Variants in CACNA2D3 observed in about 807,000 individuals in gnomAD.
The protein encoded by CACNA2D3 is voltage-dependent calcium channel subunit alpha-2/delta-3.
CACNA2D3 carries 60 observed loss-of-function variants against 160.6 expected under a neutral mutation model. The ratio of observed to expected loss-of-function variants is 0.37; its 90% CI spans 0.30 to 0.46. The LOEUF (loss-of-function observed/expected upper bound fraction) is 0.46, where lower values mean the gene tolerates loss of function less well. CACNA2D3 is among the 20% of genes least tolerant of loss of function. CACNA2D3 has a pLI of 1.00. For missense variants in CACNA2D3, 1,205 were observed against 1,365.0 expected, an observed-to-expected ratio of 0.88 and a Z score of 1.85; for synonymous variants, 558 against 492.9, an observed-to-expected ratio of 1.13 and a Z score of -1.75.
chr3:54,419,471 C>T (rs926387600), intron 4 of CACNA2D3, among the ~76,000 whole-genome samples: 6 of 152,340 alleles, frequency 3.9e-5, no homozygotes, highest in African/African-American at 1.4e-4. Context: ...TGTGAGGACA[C>T]ATTTTATACT....
chr3:55,018,062 T>C (rs1443448184), intron 34 of CACNA2D3, 144 bp from the exon 35 acceptor site: 1 of 602,798 alleles, frequency 1.7e-6, no homozygotes, highest in Non-Finnish European at 3.0e-6. Context: ...CTTGACTAAT[T>C]AGAAAATAAT....
chr3:54,838,841 G>GT (rs1411210983), intron 16 of CACNA2D3, among the ~76,000 whole-genome samples, 193 bp downstream of exon 16: 1 of 152,046 alleles, frequency 6.6e-6, no homozygotes, highest in African/African-American at 2.4e-5. Flanking sequence ...ATGACTTGCT[G>GT]TTTTTCTTAT....
chr3:54,953,508 C>A (rs539253854), intron 27 of CACNA2D3, among the ~76,000 whole-genome samples: 1 of 152,252 alleles, frequency 6.6e-6, no homozygotes, highest in Admixed American at 6.5e-5. Flanking sequence ...GTCAGATGGC[C>A]CATGCTGTGC....
chr3:54,562,269 G>A (rs1339623520), intron 5 of CACNA2D3, among the ~76,000 whole-genome samples: 1 of 152,178 alleles, frequency 6.6e-6, no homozygotes, highest in Non-Finnish European at 1.5e-5. Context: ...ACATTCTGCT[G>A]AACAGAAGAA....
intron 35 of CACNA2D3, among the ~76,000 whole-genome samples, chr3:55,023,283 A>G (rs947450679): frequency 1.3e-5 from 2 of 152,156 alleles, no homozygotes; most frequent in African/African-American, 4.8e-5. Flanking sequence ...AAGTGATTCC[A>G]GATATAAATT....
chr3:54,207,676 C>G (rs1054826371), intron 2 of CACNA2D3, among the ~76,000 whole-genome samples: 1 of 152,122 alleles, frequency 6.6e-6, no homozygotes, highest in African/African-American at 2.4e-5. Flanking sequence ...GGACTGGGCT[C>G]TGTGCACATT....
intron 2 of CACNA2D3, among the ~76,000 whole-genome samples, chr3:54,273,807 C>T (rs1181151863): frequency 6.6e-6 from 1 of 152,148 alleles, no homozygotes; most frequent in East Asian, 1.9e-4. Context: ...GAGCTTTAAG[C>T]TATTCTGGTA....
intron 11 of CACNA2D3, among the ~76,000 whole-genome samples, chr3:54,692,620 C>T (rs553471981): frequency 5.3e-5 from 8 of 152,288 alleles, no homozygotes; most frequent in Non-Finnish European, 7.4e-5. Flanking sequence ...CTGGATCCTA[C>T]GAAAATTTCT....
intron 11 of CACNA2D3, among the ~76,000 whole-genome samples, chr3:54,680,866 C>A (rs377712235): frequency 1.3e-5 from 2 of 152,112 alleles, no homozygotes; most frequent in East Asian, 1.9e-4. Flanking sequence ...CCTCTGATCC[C>A]CAGTTATTCT....
intron 11 of CACNA2D3, among the ~76,000 whole-genome samples, chr3:54,704,802 C>G (rs1194863850): frequency 1.3e-5 from 2 of 152,150 alleles, no homozygotes; most frequent in African/African-American, 4.8e-5. Flanking sequence ...TCCAGTTGTT[C>G]TTGGTGTGCA....
At chr3:54,341,329 G>A (rs62256098) in intron 3 of CACNA2D3, among the ~76,000 whole-genome samples, 28,197 of 152,116 alleles carry the variant, frequency 0.19, 2,755 homozygotes, top group Middle Eastern at 0.27. Context: ...AGAGCCTCCC[G>A]GGGTAGATCC....
chr3:54,195,526 T>C (rs897565456), intron 2 of CACNA2D3, among the ~76,000 whole-genome samples: 2 of 152,204 alleles, frequency 1.3e-5, no homozygotes, highest in African/African-American at 4.8e-5. Flanking sequence ...CATTACCTTC[T>C]CATAGCCATG....
At chr3:55,070,691 A>G (rs1198990079) in intron 35 of CACNA2D3, among the ~76,000 whole-genome samples, 2 of 152,198 alleles carry the variant, frequency 1.3e-5, no homozygotes, top group Non-Finnish European at 2.9e-5. Flanking sequence ...ACTGAGTCAA[A>G]TATTTGCGAC....
At chr3:54,255,478 T>C (rs1702275196) in intron 2 of CACNA2D3, among the ~76,000 whole-genome samples, 1 of 152,200 alleles carries the variant, frequency 6.6e-6, no homozygotes, top group Non-Finnish European at 1.5e-5. Context: ...TTACAGAAGA[T>C]TTATTTTGAA....
Position 54,990,617 on chromosome 3 carries a change from A to G in CACNA2D3, c.2690+2864A>G, listed in dbSNP as rs368577256. On this transcript the variant is annotated intron_variant, in intron 31 of 37. Coordinates refer to ENST00000474759, the MANE Select transcript of CACNA2D3 (RefSeq NM_018398.3). ...TTCTCCAGAAAGACAGAGCTCCAAGAGGAGAGCACTACCTCCCTTCATAGC... is the reference window on the plus strand; with the variant it reads ...TTCTCCAGAAAGACAGAGCTCCAAGGGGAGAGCACTACCTCCCTTCATAGC... Among the ~76,000 whole-genome samples, 21 of 152,312 alleles carry G rather than the reference A, an allele frequency of 1.4e-4. No homozygotes were observed. The East Asian group carries it at 2.3e-3, about 17-fold the overall frequency.
At chr3:54,435,794 A>G (rs1485496306) in intron 4 of CACNA2D3, among the ~76,000 whole-genome samples, 1 of 152,260 alleles carries the variant, frequency 6.6e-6, no homozygotes, top group Non-Finnish European at 1.5e-5. Flanking sequence ...CAAGAATTTT[A>G]GAGAAGCTAT....
intron 2 of CACNA2D3, among the ~76,000 whole-genome samples, chr3:54,235,085 A>G (rs1182946467): frequency 2.0e-5 from 3 of 152,184 alleles, no homozygotes; most frequent in African/African-American, 4.8e-5. Flanking sequence ...AACCAAGACT[A>G]CTTGGAGAAA....
intron 11 of CACNA2D3, among the ~76,000 whole-genome samples, chr3:54,655,500 A>G (rs1699861068): frequency 6.6e-6 from 1 of 152,228 alleles, no homozygotes; most frequent in South Asian, 2.1e-4. Flanking sequence ...GATGTGGGAA[A>G]TAGAAAGTGC....
intron 27 of CACNA2D3, among the ~76,000 whole-genome samples, chr3:54,947,344 C>T (rs1210258658): frequency 6.6e-6 from 1 of 152,052 alleles, no homozygotes; most frequent in African/African-American, 2.4e-5. Context: ...TAATGCAAAC[C>T]TAAGAGACAG....
Sources: gnomAD v4.1 joint callset for allele counts (sites outside exome capture counted in the v4.1 genomes callset) on GRCh38, gnomAD v4.1.1 for gene constraint, MANE v1.5 for transcripts, NCBI Gene and HGNC (gene_info 2026-07-23, HGNC 2026-07-21) for gene names.